PPP2R5D: variants seen among roughly 807,000 people sequenced by gnomAD.
PPP2R5D encodes the protein serine/threonine-protein phosphatase 2A 56 kDa regulatory subunit delta isoform.
In PPP2R5D, 12 loss-of-function variants were observed where a neutral mutation model predicts 79.1. The observed-to-expected ratio is 0.15, with a 90% CI of 0.10 to 0.25. The LOEUF is 0.25. Ranked by LOEUF, PPP2R5D falls within the 10% of genes least tolerant of loss-of-function variation. PPP2R5D has a pLI of 1.00. For missense variants in PPP2R5D, 419 were observed against 760.2 expected (o/e 0.55, Z 5.28); for synonymous variants, 277 against 286.6 (o/e 0.97, Z 0.34).
chr6:42,998,950 G>A (rs1031447381), intron 2 of PPP2R5D, among the ~76,000 whole-genome samples: 2 of 152,194 alleles, frequency 1.3e-5, no homozygotes, highest in Admixed American at 6.5e-5. Context: ...CAGGCGAATC[G>A]TTTGAGCCTG....
In PPP2R5D at chr6:42,984,600, G is replaced by A; in HGVS notation, c.-78G>A. ...GCGCAGGCGGTGGCGAAGAGACGCCGAGCGGGCCGAGTGCGGCCGAGCAAA... is the reference window on the plus strand; with the variant it reads ...GCGCAGGCGGTGGCGAAGAGACGCCAAGCGGGCCGAGTGCGGCCGAGCAAA... On this transcript the variant is annotated 5_prime_UTR_variant, in exon 1 of 16. Transcript: ENST00000485511. 7 of 1,512,474 alleles carry A rather than the reference G, an allele frequency of 4.6e-6. No individual in the cohort carries two copies. The South Asian group carries it at 7.5e-5, about 16-fold the overall frequency. The allele number at this position is 1,512,474 out of a possible 1,614,324, so 93.7% of individuals were successfully genotyped here.
chr6:43,000,255 T>TTTTTTTTTTTTTTA (rs1772088181), intron 2 of PPP2R5D, among the ~76,000 whole-genome samples: 1 of 147,794 alleles, frequency 6.8e-6, no homozygotes, highest in African/African-American at 2.5e-5. Flanking sequence ...TTTTTTTTTT[T>TTTTTTTTTTTTTTA]GAGATAGAGT....
chr6:42,987,093 C>T (rs967794121), intron 1 of PPP2R5D, among the ~76,000 whole-genome samples: 18 of 152,144 alleles, frequency 1.2e-4, no homozygotes, highest in African/African-American at 4.3e-4. Context: ...TAAAGCCTTT[C>T]TGAGCCCTCA....
rs1252622707 is a variant in PPP2R5D at position 43,012,123 on chromosome 6, T to G, written c.*837T>G. 1.2e-6 allele frequency: 1 copy of G among 817,480 alleles called. No homozygotes were observed. The highest frequency in any genetic ancestry group is 5.9e-5 in the Admixed American group (1 of 17,014). The allele number at this position is 817,480 out of a possible 1,614,324, so 50.6% of individuals were successfully genotyped here. ...GCCAACACCTATTTATTTCCTTGTT[T>G]GTGCTATGCTGGGCAGGCCTTCTCT... On this transcript the variant is annotated 3_prime_UTR_variant, in exon 16 of 16. Transcript: ENST00000485511.
At chr6:42,999,351 C>G (rs1050308052) in intron 2 of PPP2R5D, among the ~76,000 whole-genome samples, 3 of 152,150 alleles carry the variant, frequency 2.0e-5, no homozygotes, top group African/African-American at 4.8e-5. Flanking sequence ...AGGGGCTTCG[C>G]TGGCAGAAAC....
In PPP2R5D at chr6:42,984,646, G is replaced by T. The variant is rs189593329; in HGVS notation, c.-32G>T. The T allele has an allele frequency of 5.5e-4, 874 of 1,587,956 alleles. 4 individuals carry two copies. The highest frequency in any genetic ancestry group is 1.1e-3 in the Admixed American group (63 of 55,438). ...GCAAAGCCGGAGCCGGAGCGGGGCCGCAGGAGACGGGCCGGGTCCGGACGG... is the reference window on the plus strand; with the variant it reads ...GCAAAGCCGGAGCCGGAGCGGGGCCTCAGGAGACGGGCCGGGTCCGGACGG... On this transcript the variant is annotated 5_prime_UTR_variant, in exon 1 of 16. Coordinates refer to ENST00000485511, the MANE Select transcript of PPP2R5D (RefSeq NM_006245.4).
At chr6:42,997,172 TTTTA>T in intron 2 of PPP2R5D, among the ~76,000 whole-genome samples, 1 of 151,732 alleles carries the variant, frequency 6.6e-6, no homozygotes, top group African/African-American at 2.4e-5. Flanking sequence ...AATTTTGTAT[TTTTA>T]TTTATTTTAT....
chr6:43,009,480 G>T lies in PPP2R5D; in HGVS notation c.1379+31G>T. 6.2e-7 allele frequency: 1 copy of T among 1,613,502 alleles called. No individual in the cohort carries two copies. Among genetic ancestry groups the T allele is most frequent in the Non-Finnish European group, 8.5e-7 (1 of 1,179,816 alleles). ...GCGCTGGGGTGGGGCTGGGTGGTGG[G>T]GATCCAGTTTGGGAAACTTTGAGGG... On this transcript the variant is annotated intron_variant, in intron 12 of 15. Coordinates refer to ENST00000485511, the MANE Select transcript of PPP2R5D (RefSeq NM_006245.4). The surrounding 1 kb of genome is among the most constrained non-coding windows in gnomAD (Gnocchi z 5.6).
chr6:43,008,995 ACTTCCTGGTGACCTAGG>A lies in PPP2R5D; in HGVS notation c.1081-60_1081-44del. The A allele has an allele frequency of 1.3e-6, 2 of 1,568,682 alleles. No individual in the cohort carries two copies. Among genetic ancestry groups the A allele is most frequent in the East Asian group, 4.5e-5 (2 of 44,536 alleles). ...GGTGGGGGAGAGAGCAGGTAGGAAAACTTCCTGGTGACCTAGGCAGGTGCAAAGAATTTTCATCCCCA... is the reference window on the plus strand; with the variant it reads ...GGTGGGGGAGAGAGCAGGTAGGAAAACAGGTGCAAAGAATTTTCATCCCCA... On this transcript the variant is annotated intron_variant, in intron 10 of 15. Transcript: ENST00000485511. The surrounding 1 kb of genome is among the most constrained non-coding windows in gnomAD (Gnocchi z 4.2).
At chr6:42,998,015 T>TTATATATATATATATA (rs1561843629) in intron 2 of PPP2R5D, among the ~76,000 whole-genome samples, 4 of 32,348 alleles carry the variant, frequency 1.2e-4, no homozygotes, top group African/African-American at 3.0e-4. Flanking sequence ...TGGGTTTTAT[T>TTATATATATATATATA]TATATATATA....
rs766689606 is a variant in PPP2R5D at position 43,011,181 on chromosome 6, G to C, written c.1704G>C (p.Leu568=). ...AAGACATCAAGAAGGAGAAAGTGCTGCTGCGGAGGAAGTCGGAGCTGCCCC... is the reference window on the plus strand; with the variant it reads ...AAGACATCAAGAAGGAGAAAGTGCTCCTGCGGAGGAAGTCGGAGCTGCCCC... ...MLKDIKKEKV[L]LRRKSELPQD... The change falls in exon 16 of 16, where the codon CTG becomes CTC. Residue 568 remains leucine (L), a synonymous_variant. Transcript: ENST00000485511. 1.2e-6 allele frequency: 2 copies of C among 1,614,142 alleles called. No homozygotes were observed. The highest frequency in any genetic ancestry group is 1.7e-6 in the Non-Finnish European group (2 of 1,180,012).
chr6:43,009,008 C>T lies in PPP2R5D; in HGVS notation c.1081-49C>T. 1 of 1,590,546 alleles carries T rather than the reference C, an allele frequency of 6.3e-7. No homozygotes were observed. On this transcript the variant is annotated intron_variant, in intron 10 of 15. Transcript: ENST00000485511. This position sits in a 1 kb window ranked among gnomAD's most constrained non-coding sequence, Gnocchi z 5.6. ...GCAGGTAGGAAAACTTCCTGGTGAC[C>T]TAGGCAGGTGCAAAGAATTTTCATC... is the stretch of plus-strand genomic sequence containing the variant.
intron 2 of PPP2R5D, among the ~76,000 whole-genome samples, chr6:43,004,710 C>T (rs1215058148): frequency 6.6e-6 from 1 of 150,726 alleles, no homozygotes; most frequent in African/African-American, 2.4e-5. Context: ...TTACTATGAA[C>T]GTGAAAATAT....
At position 42,995,126 on chromosome 6, in the gene PPP2R5D, CTTTTT is replaced by C. The variant is rs889250251; in HGVS notation, c.105+5455_105+5459del. 8.9e-4 allele frequency among the ~76,000 whole-genome samples: 95 copies of C among 106,350 alleles called. 1 individual carries two copies. The highest frequency in any genetic ancestry group is 3.3e-3 in the African/African-American group (79 of 24,066). 69.8% of individuals were successfully genotyped at this position (106,350 alleles called of 152,430 possible). ...TTGTGTCCCACCGAACTTTTTCTTT[CTTTTT>C]TTTTTTTTTTTTTTTTGGAGATAGG... On this transcript the variant is annotated intron_variant, in intron 2 of 15. Transcript: ENST00000485511.
At position 43,006,486 on chromosome 6, in the gene PPP2R5D, G is replaced by A. The variant is rs1327854085; in HGVS notation, c.129G>A (p.Gln43=). 5 of 1,613,214 alleles carry A rather than the reference G, an allele frequency of 3.1e-6. No homozygotes were observed. Among genetic ancestry groups the A allele is most frequent in the Non-Finnish European group, 3.4e-6 (4 of 1,179,818 alleles). ...TEEAQPQPQP[Q]PQPQAQSQPP... ...AGGCCCAGCCGCAGCCCCAGCCCCAGCCCCAGCCCCAAGCCCAGTCTCAGC... is the reference window on the plus strand; with the variant it reads ...AGGCCCAGCCGCAGCCCCAGCCCCAACCCCAGCCCCAAGCCCAGTCTCAGC... Residue 43 remains glutamine, a synonymous_variant, in exon 3 of 16, where the codon CAG becomes CAA. Coordinates refer to ENST00000485511, the MANE Select transcript of PPP2R5D (RefSeq NM_006245.4). The surrounding 1 kb of genome is among the most constrained non-coding windows in gnomAD (Gnocchi z 4.7).
intron 1 of PPP2R5D, 34 bp from the exon 2 acceptor site, chr6:42,989,577 A>T (rs756501938): frequency 6.4e-7 from 1 of 1,552,648 alleles, no homozygotes; most frequent in South Asian, 1.1e-5. Flanking sequence ...TTCTCCTGGC[A>T]TCTGCTAACT....
chr6:43,007,541 T>C lies in PPP2R5D; in HGVS notation c.726+35T>C. On this transcript the variant is annotated intron_variant, in intron 6 of 15. Coordinates refer to ENST00000485511, the MANE Select transcript of PPP2R5D (RefSeq NM_006245.4). This position sits in a 1 kb window ranked among gnomAD's most constrained non-coding sequence, Gnocchi z 4.5. The stretch of plus-strand genomic sequence containing the variant: ...CGAGTTCCTGTCCTTGCCCTCTCTT[T>C]CCATTCCATGCCCCCTTCATCTGTG... The C allele has an allele frequency of 6.6e-7, 1 of 1,525,536 alleles. No individual in the cohort carries two copies. The highest frequency in any genetic ancestry group is 2.2e-5 in the East Asian group (1 of 44,462). 94.5% of individuals were successfully genotyped at this position (1,525,536 alleles called of 1,614,324 possible).
chr6:43,009,116 C>T lies in PPP2R5D; in HGVS notation c.1140C>T (p.Phe380=). 1 of 1,614,122 alleles carries T rather than the reference C, an allele frequency of 6.2e-7. No homozygotes were observed. Among genetic ancestry groups the T allele is most frequent in the Non-Finnish European group, 8.5e-7 (1 of 1,180,018 alleles). Residue 380 remains phenylalanine, a synonymous_variant, in exon 11 of 16, where the codon TTC becomes TTT. Coordinates refer to ENST00000485511, the MANE Select transcript of PPP2R5D (RefSeq NM_006245.4). The surrounding 1 kb of genome is among the most constrained non-coding windows in gnomAD (Gnocchi z 5.6). ...PKTHSPKEVM[F]LNELEEILDV... ...CCCACAGCCCCAAGGAGGTGATGTTCTTGAATGAGCTGGAGGAGATTCTGG... is the reference window on the plus strand; with the variant it reads ...CCCACAGCCCCAAGGAGGTGATGTTTTTGAATGAGCTGGAGGAGATTCTGG...
Position 43,011,396 on chromosome 6 carries a change from T to G in PPP2R5D, c.*110T>G. The G allele has an allele frequency of 2.1e-6, 3 of 1,429,154 alleles. No homozygotes were observed. The highest frequency in any genetic ancestry group is 2.8e-6 in the Non-Finnish European group (3 of 1,053,418). 88.5% of individuals were successfully genotyped at this position (1,429,154 alleles called of 1,614,324 possible). A position where few individuals can be genotyped will look rare whatever the true frequency, so the allele number is the denominator to read the frequency against. ...GTCTTGGGGGAAGGCAGCGCCTCTC[T>G]AGCTACTCAAGGGAGGGGGATGTGG... On this transcript the variant is annotated 3_prime_UTR_variant, in exon 16 of 16. Transcript: ENST00000485511.
Sources: allele counts gnomAD v4.1 joint callset (sites outside exome capture counted in the v4.1 genomes callset), GRCh38; gene constraint gnomAD v4.1.1; non-coding constraint Gnocchi (gnomAD v3.1); transcripts MANE v1.5; gene names NCBI Gene and HGNC (gene_info 2026-07-23, HGNC 2026-07-21).